Variants in C2orf80 observed in about 807,000 individuals in gnomAD.
C2orf80 encodes the protein uncharacterized protein C2orf80.
C2orf80 carries 28 observed loss-of-function variants against 30.2 expected under a neutral mutation model. That is an observed-to-expected ratio of 0.93 (90% CI 0.69 to 1.27). C2orf80 has a LOEUF of 1.27. Ranked by LOEUF, C2orf80 falls within the 50% of genes most tolerant of loss-of-function variation. C2orf80 has a pLI of 0.00. For synonymous variants in C2orf80, 80 were observed against 76.4 expected (o/e 1.05, Z -0.24); for missense variants, 220 against 231.0 (o/e 0.95, Z 0.31).
intron 1 of C2orf80, among the ~76,000 whole-genome samples, chr2:208,188,594 C>T (rs1413111532): frequency 3.9e-5 from 6 of 151,982 alleles, no homozygotes; most frequent in African/African-American, 7.2e-5. Context: ...TACAGGTGCA[C>T]GCCACCAAGC....
chr2:208,185,355 C>G (rs1696687318), intron 2 of C2orf80, among the ~76,000 whole-genome samples: 1 of 152,198 alleles, frequency 6.6e-6, no homozygotes, highest in African/African-American at 2.4e-5. Context: ...TTGAGACACA[C>G]TGTTTAAAAT....
Position 208,165,555 on chromosome 2 carries a change from T to C in C2orf80, c.*252A>G. The C allele has an allele frequency of 2.3e-6, 1 of 426,124 alleles. No homozygotes were observed. The highest frequency in any genetic ancestry group is 4.2e-6 in the Non-Finnish European group (1 of 239,464). The allele number at this position is 426,124 out of a possible 1,614,324, so 26.4% of individuals were successfully genotyped here. ...TCTAACACAGAAATACTATATACTT[T>C]CTGAATTCTCCAGCAGTCTTCCAGT... On this transcript the variant is annotated 3_prime_UTR_variant, in exon 9 of 9. Coordinates refer to ENST00000341287, the MANE Select transcript of C2orf80 (RefSeq NM_001099334.3).
At position 208,165,745 on chromosome 2, in the gene C2orf80, T is replaced by C. The variant is rs1285689467; in HGVS notation, c.*62A>G. On this transcript the variant is annotated 3_prime_UTR_variant, in exon 9 of 9. Transcript: ENST00000341287. The stretch of plus-strand genomic sequence containing the variant: ...ACTGGCAAGAGCTGTGGTTTTAAGA[T>C]GATGCTTCTCGTCTGCTCCCAGAGA... 1 of 1,610,522 alleles carries C rather than the reference T, an allele frequency of 6.2e-7. No homozygotes were observed. The highest frequency in any genetic ancestry group is 8.5e-7 in the Non-Finnish European group (1 of 1,178,978).
chr2:208,183,187 C>A (rs1382707206), intron 3 of C2orf80, 140 bp from the exon 4 acceptor site: 2 of 561,990 alleles, frequency 3.6e-6, no homozygotes, highest in Admixed American at 3.3e-5. Context: ...GCTTTAATAA[C>A]CTGATGCTCG....
chr2:208,186,987 G>T lies in C2orf80; in HGVS notation c.-1C>A, dbSNP rs1696737184. The T allele has an allele frequency of 1.9e-6, 3 of 1,613,932 alleles. No individual in the cohort carries two copies. The highest frequency in any genetic ancestry group is 2.5e-6 in the Non-Finnish European group (3 of 1,179,866). ...CCTTCTTTATGAGCCTTCTTTCCAT[G>T]TTAAAGGCTTAGCCAGCTGAGCAGG... On this transcript the variant is annotated 5_prime_UTR_variant, in exon 2 of 9. Transcript: ENST00000341287.
In C2orf80 at chr2:208,172,117, C is replaced by T. The variant is rs114621498; in HGVS notation, c.367-42G>A. ...CCTACTTTTAAAATCTGTCCATCAT[C>T]TGCGGCATGAACACCTGCTAGTCAC... is the stretch of plus-strand genomic sequence containing the variant. On this transcript the variant is annotated intron_variant, in intron 6 of 8. Transcript: ENST00000341287. 1.8e-3 allele frequency: 2,695 copies of T among 1,480,830 alleles called. 33 individuals carry two copies. The African/African-American group carries it at 0.028, about 15-fold the overall frequency. The allele number at this position is 1,480,830 out of a possible 1,614,324, so 91.7% of individuals were successfully genotyped here.
intron 8 of C2orf80, among the ~76,000 whole-genome samples, chr2:208,169,198 CG>C (rs1327504077): frequency 1.4e-5 from 2 of 148,000 alleles, no homozygotes; most frequent in African/African-American, 5.0e-5. Context: ...ATGAGGCTTG[CG>C]GGGGGTGTCT....
chr2:208,171,149 T>A, intron 7 of C2orf80, 86 bp from the exon 8 acceptor site: 1 of 916,124 alleles, frequency 1.1e-6, no homozygotes, highest in Non-Finnish European at 1.7e-6. Flanking sequence ...TTCATTTCAC[T>A]AATTAATTAT....
chr2:208,177,032 TAGTAC>T (rs1241199574), intron 6 of C2orf80, among the ~76,000 whole-genome samples: 1 of 141,628 alleles, frequency 7.1e-6, no homozygotes, highest in African/African-American at 2.7e-5. Context: ...TATACAGATA[TAGTAC>T]ACATATATAC....
rs910257887 is a variant in C2orf80 at position 208,168,070 on chromosome 2, ATCT to A, written c.574-2258_574-2256del. On this transcript the variant is annotated intron_variant, in intron 8 of 8. Coordinates refer to ENST00000341287, the MANE Select transcript of C2orf80 (RefSeq NM_001099334.3). ...GTAAGCTCAAATATTTAAAATGAAA[ATCT>A]TCTTCAAATACCAAGCTGTGAAAGC... Among the ~76,000 whole-genome samples the A allele has an allele frequency of 4.6e-5, 7 of 152,116 alleles. No homozygotes were observed. The South Asian group carries it at 8.3e-4, about 18-fold the overall frequency.
At chr2:208,177,103 T>C (rs1574366007) in intron 6 of C2orf80, among the ~76,000 whole-genome samples, 1 of 147,318 alleles carries the variant, frequency 6.8e-6, no homozygotes, top group Non-Finnish European at 1.5e-5. Context: ...TATAGTAGTA[T>C]AGTAATCAAT....
intron 3 of C2orf80, among the ~76,000 whole-genome samples, chr2:208,184,423 T>C (rs879457094): frequency 1.3e-5 from 2 of 151,932 alleles, no homozygotes; most frequent in Non-Finnish European, 2.9e-5. Flanking sequence ...TTTATTAGTG[T>C]AAGGATAGTA....
At chr2:208,167,792 T>C (rs1695949747) in intron 8 of C2orf80, among the ~76,000 whole-genome samples, 1 of 151,912 alleles carries the variant, frequency 6.6e-6, no homozygotes, top group South Asian at 2.1e-4. Context: ...TTCAGGCTGG[T>C]CTTGAATGCC....
chr2:208,180,678 T>G, intron 6 of C2orf80, 67 bp downstream of exon 6: 1 of 1,201,040 alleles, frequency 8.3e-7, no homozygotes, highest in South Asian at 1.3e-5. Context: ...TACAACATTA[T>G]ACATTTATAC....
At chr2:208,182,029 T>C (rs543637145) in intron 4 of C2orf80, among the ~76,000 whole-genome samples, 41 of 151,678 alleles carry the variant, frequency 2.7e-4, no homozygotes, top group Non-Finnish European at 1.0e-4. Flanking sequence ...GGATTTTCAA[T>C]TGGATTTTCA....
intron 6 of C2orf80, among the ~76,000 whole-genome samples, chr2:208,180,343 C>T (rs1204540062): frequency 1.3e-5 from 2 of 151,638 alleles, no homozygotes; most frequent in Non-Finnish European, 2.9e-5. Context: ...CCCAGCTACT[C>T]AGGAGGCTGA....
chr2:208,179,405 G>C (rs1201890026), intron 6 of C2orf80, among the ~76,000 whole-genome samples: 1 of 152,218 alleles, frequency 6.6e-6, no homozygotes, highest in Non-Finnish European at 1.5e-5. Flanking sequence ...AGGCATTCCT[G>C]TGGCCACAGC....
At chr2:208,187,215 T>C (rs1422315248) in intron 1 of C2orf80, among the ~76,000 whole-genome samples, 154 bp from the exon 2 acceptor site, 1 of 152,246 alleles carries the variant, frequency 6.6e-6, no homozygotes, top group Non-Finnish European at 1.5e-5. Flanking sequence ...TGGAGGCTCA[T>C]GCACTGTACT....
rs199688558 is a variant in C2orf80, at chr2:208,180,821, TA to T, written c.295-6del. ...TTCCTCAATCGGGATACTGTTCTGT[TA>T]AACAACAACAGCAATAACAAAGTAT... On this transcript the variant is annotated splice_polypyrimidine_tract_variant and splice_region_variant and intron_variant, in intron 5 of 8. Coordinates refer to ENST00000341287, the MANE Select transcript of C2orf80 (RefSeq NM_001099334.3). 1.0e-3 allele frequency: 1,681 copies of T among 1,611,536 alleles called. 23 individuals are homozygous for T. The African/African-American group carries it at 0.02, about 19-fold the overall frequency.
Sources: allele counts gnomAD v4.1 joint callset (sites outside exome capture counted in the v4.1 genomes callset), GRCh38; gene constraint gnomAD v4.1.1; transcripts MANE v1.5; gene names NCBI Gene and HGNC (gene_info 2026-07-23, HGNC 2026-07-21).